LPA: variants seen among roughly 807,000 people sequenced by gnomAD.
LPA encodes lipoprotein(a).
Under a neutral mutation model 197.9 loss-of-function variants are expected in LPA, and 199 were observed. The observed-to-expected ratio is 1.01, with a 90% CI of 0.90 to 1.13. The LOEUF is 1.13. Ranked by LOEUF, LPA falls within the 50% of genes most tolerant of loss-of-function variation. The pLI, the probability that LPA is intolerant of heterozygous loss-of-function variation, is 0.00. For missense variants in LPA, 1,853 were observed against 1,785.8 expected, an observed-to-expected ratio of 1.04 and a Z score of -0.68; for synonymous variants, 715 against 639.5, an observed-to-expected ratio of 1.12 and a Z score of -1.78.
In LPA at chr6:160,532,547, C is replaced by T; in HGVS notation, c.5945G>A (p.Gly1982Asp). 1.2e-6 allele frequency: 2 copies of T among 1,604,836 alleles called. No individual in the cohort carries two copies. Among genetic ancestry groups the T allele is most frequent in the Non-Finnish European group, 1.7e-6 (2 of 1,171,528 alleles). Residue 1982 changes from glycine (G) to aspartate (D), a missense_variant, in exon 38 of 39, where the codon GGC becomes GAC. By Grantham distance (94) the Gly-to-Asp change is moderately conservative. Coordinates refer to ENST00000316300, the MANE Select transcript of LPA (RefSeq NM_005577.4). The part of the protein sequence containing the change: ...KYICAEHLAR[G>D]TDSCQGDSGG... The stretch of plus-strand genomic sequence containing the variant: ...TTTTCTTACCTGGCAACTGTCAGTG[C>T]CTCTGGCCAAATGCTCAGCACAAAT...
intron 18 of LPA, among the ~76,000 whole-genome samples, chr6:160,601,741 A>G (rs1274377541): frequency 6.6e-6 from 1 of 152,200 alleles, no homozygotes; most frequent in Non-Finnish European, 1.5e-5. Flanking sequence ...GACTTCTCAA[A>G]GCTGCCCTGG....
intron 29 of LPA, 147 bp downstream of exon 29, chr6:160,557,243 T>G: frequency 1.0e-6 from 1 of 959,046 alleles, no homozygotes; most frequent in Non-Finnish European, 1.6e-6. Flanking sequence ...CAAAAATTGC[T>G]CCACCAGAGA....
chr6:160,610,732 A>G (rs1779483136), intron 16 of LPA, among the ~76,000 whole-genome samples: 1 of 152,146 alleles, frequency 6.6e-6, no homozygotes, highest in Non-Finnish European at 1.5e-5. Flanking sequence ...CTGCTCAGCT[A>G]GATGGCTACA....
chr6:160,585,409 A>C (rs1249848651), intron 25 of LPA, among the ~76,000 whole-genome samples: 1 of 152,194 alleles, frequency 6.6e-6, no homozygotes, highest in Non-Finnish European at 1.5e-5. Context: ...ATTTTAATTC[A>C]ACCCTGGAAA....
rs372107122 is a variant in LPA at position 160,554,757 on chromosome 6, T to C, written c.4973+1268A>G. 1.8e-4 allele frequency among the ~76,000 whole-genome samples: 28 copies of C among 152,142 alleles called. No individual in the cohort carries two copies. The South Asian group carries it at 5.6e-3, about 31-fold the overall frequency. ...GCAGTTTATATTAGACTTCCATGCA[T>C]ATTCCTTCAGCTCCTTTTCACCACA... On this transcript the variant is annotated intron_variant, in intron 30 of 38. Transcript: ENST00000316300.
At chr6:160,535,865 A>G (rs1302869901) in intron 37 of LPA, among the ~76,000 whole-genome samples, 1 of 152,176 alleles carries the variant, frequency 6.6e-6, no homozygotes, top group Admixed American at 6.5e-5. Context: ...CCAGATCCTT[A>G]TGATTTTAGC....
chr6:160,537,687 C>G (rs1777915196), intron 37 of LPA, among the ~76,000 whole-genome samples, 168 bp downstream of exon 37: 2 of 152,144 alleles, frequency 1.3e-5, no homozygotes, highest in South Asian at 4.1e-4. Context: ...TGCCCAAGTC[C>G]CTTGAAGACT....
At chr6:160,586,382 C>A in intron 25 of LPA, 67 bp downstream of exon 25, 1 of 1,577,488 alleles carries the variant, frequency 6.3e-7, no homozygotes, top group Non-Finnish European at 8.7e-7. Flanking sequence ...TTCTGCATCA[C>A]AAAGATTTTG....
chr6:160,604,775 G>T (rs1779311590), intron 18 of LPA, among the ~76,000 whole-genome samples: 1 of 152,260 alleles, frequency 6.6e-6, no homozygotes, highest in Admixed American at 6.5e-5. Flanking sequence ...TACTCTAAGA[G>T]TTTCATCATT....
intron 35 of LPA, among the ~76,000 whole-genome samples, chr6:160,540,827 C>T (rs1186043396): frequency 6.6e-6 from 1 of 152,182 alleles, no homozygotes. Flanking sequence ...TAGTGAACAG[C>T]TCTGTCCTGC....
chr6:160,599,773 T>A (rs543723974), intron 19 of LPA, 114 bp from the exon 20 acceptor site: 114 of 1,170,544 alleles, frequency 9.7e-5, no homozygotes, highest in Admixed American at 1.9e-4. Context: ...CCATTCTCTA[T>A]TCTTTATTAA....
intron 25 of LPA, 142 bp downstream of exon 25, chr6:160,586,307 C>A: frequency 2.1e-6 from 2 of 963,072 alleles, no homozygotes; most frequent in Non-Finnish European, 3.1e-6. Flanking sequence ...AGAGAAGGCA[C>A]TGAAGCTTCC....
chr6:160,575,120 C>T (rs1054539225), intron 28 of LPA, among the ~76,000 whole-genome samples: 2 of 152,036 alleles, frequency 1.3e-5, no homozygotes, highest in African/African-American at 4.8e-5. Context: ...GAAGATTTGC[C>T]AAAGTAAATC....
chr6:160,624,812 A>ATTCCCATATCATGTC (rs1779629669), intron 10 of LPA, among the ~76,000 whole-genome samples: 1 of 1,346 alleles, frequency 7.4e-4, no homozygotes, highest in African/African-American at 5.3e-3. Flanking sequence ...ACTGTCTGTC[A>ATTCCCATATCATGTC]GGTTTAGTAG....
intron 30 of LPA, among the ~76,000 whole-genome samples, chr6:160,553,935 C>T (rs200727283): frequency 1.7e-4 from 12 of 70,970 alleles, no homozygotes; most frequent in African/African-American, 3.5e-4. Flanking sequence ...CTCTCTCTCT[C>T]TCTGTGTGTG....
At chr6:160,540,955 A>G (rs1383280995) in intron 35 of LPA, 152 bp downstream of exon 35, 3 of 697,428 alleles carry the variant, frequency 4.3e-6, no homozygotes, top group African/African-American at 3.5e-5. Context: ...AGGATTCTGC[A>G]TGCATTCCCT....
intron 28 of LPA, among the ~76,000 whole-genome samples, chr6:160,569,033 A>G (rs1032548552): frequency 6.6e-6 from 1 of 152,238 alleles, no homozygotes; most frequent in South Asian, 2.1e-4. Flanking sequence ...GGAAGAATCA[A>G]TATTGTGAAA....
intron 30 of LPA, among the ~76,000 whole-genome samples, chr6:160,552,583 A>C (rs1286592550): frequency 3.9e-5 from 6 of 152,218 alleles, no homozygotes; most frequent in Non-Finnish European, 2.9e-5. Context: ...GAGCACGTAT[A>C]TACTTTTGTT....
chr6:160,607,467 G>A (rs1582882217), intron 16 of LPA, among the ~76,000 whole-genome samples: 1 of 152,150 alleles, frequency 6.6e-6, no homozygotes, highest in East Asian at 1.9e-4. Context: ...TGGCATAAAG[G>A]AAGATGGCAG....
Sources: gnomAD v4.1 joint callset for allele counts (sites outside exome capture counted in the v4.1 genomes callset) on GRCh38, gnomAD v4.1.1 for gene constraint, MANE v1.5 for transcripts, NCBI Gene and HGNC (gene_info 2026-07-23, HGNC 2026-07-21) for gene names.